Variants in IQSEC1 observed in about 807,000 individuals in gnomAD.
IQSEC1 encodes the protein IQ motif and Sec7 domain ArfGEF 1, also known as IQ motif and SEC7 domain-containing protein 1.
A neutral mutation model predicts 91.0 loss-of-function variants in IQSEC1; 31 were observed. The ratio of observed to expected loss-of-function variants is 0.34; its 90% confidence interval spans 0.26 to 0.46. The LOEUF (loss-of-function observed/expected upper bound fraction) is 0.46. Among genes scored for constraint, IQSEC1 ranks in the 20% least tolerant of loss-of-function variants. The probability of loss-of-function intolerance (pLI) is 1.00; values close to 1 mark genes in which losing one functional copy is unlikely to be tolerated. For synonymous variants in IQSEC1, 699 were observed against 662.6 expected, an observed-to-expected ratio of 1.05 and a Z score of -0.84; for missense variants, 1,388 against 1,575.6, an observed-to-expected ratio of 0.88 and a Z score of 2.02.
intron 2 of IQSEC1, among the ~76,000 whole-genome samples, chr3:13,138,066 C>T (rs1417999990): frequency 6.6e-6 from 1 of 152,132 alleles, no homozygotes; most frequent in African/African-American, 2.4e-5. Context: ...TGAGGGCACT[C>T]CTCCCTCTGA....
chr3:13,145,827 T>G (rs1576270852), intron 2 of IQSEC1, among the ~76,000 whole-genome samples: 7 of 121,756 alleles, frequency 5.7e-5, no homozygotes, highest in South Asian at 6.0e-4. Flanking sequence ...TCCTGATCAT[T>G]GGGAACAAGT....
chr3:13,220,658 A>G (rs1277846646), intron 1 of IQSEC1, among the ~76,000 whole-genome samples: 1 of 152,368 alleles, frequency 6.6e-6, no homozygotes, highest in African/African-American at 2.4e-5. Context: ...TGGTTTATGC[A>G]TGGTCTCAGG....
At chr3:13,045,587 G>A (rs957121267) in intron 1 of IQSEC1, among the ~76,000 whole-genome samples, 4 of 152,172 alleles carry the variant, frequency 2.6e-5, no homozygotes, top group Non-Finnish European at 4.4e-5. Context: ...AAGTGGGCAG[G>A]AGCACGGAAC....
chr3:12,951,121 T>C (rs866404108), intron 1 of IQSEC1, among the ~76,000 whole-genome samples: 10 of 152,180 alleles, frequency 6.6e-5, no homozygotes, highest in Middle Eastern at 3.4e-3. Context: ...TAAAAAACTT[T>C]TAAAAAGTTA....
chr3:13,038,258 GTGTGTATATATATATATATA>G (rs1394116482), intron 1 of IQSEC1, among the ~76,000 whole-genome samples: 1 of 51,388 alleles, frequency 1.9e-5, no homozygotes, highest in Non-Finnish European at 3.7e-5. Context: ...ATGTGTGTGT[GTGTGTATATATATATATATA>G]TATATATATA....
At position 12,912,890 on chromosome 3, in the gene IQSEC1, G is replaced by C. The variant is rs143776733; in HGVS notation, c.2316+538C>G. On this transcript the variant is annotated intron_variant, in intron 9 of 13. Coordinates refer to ENST00000613206, the MANE Select transcript of IQSEC1 (RefSeq NM_001134382.3). ...CAGCCCTTGTTTCCTTCAGTCCATA[G>C]GTCTTGCAGGGACCAGCTCAGGGCT... Among the ~76,000 whole-genome samples, 17 of 152,294 alleles carry C rather than the reference G, an allele frequency of 1.1e-4. No homozygotes were observed. In the East Asian group the frequency reaches 2.7e-3, roughly 24 times the overall value.
At chr3:12,962,117 C>T (rs553763687) in intron 1 of IQSEC1, among the ~76,000 whole-genome samples, 4 of 152,298 alleles carry the variant, frequency 2.6e-5, no homozygotes, top group Admixed American at 6.5e-5. Flanking sequence ...GGGAGGCAGA[C>T]GACCAACGGT....
intron 1 of IQSEC1, among the ~76,000 whole-genome samples, chr3:12,999,333 A>G (rs906841255): frequency 3.3e-5 from 5 of 152,180 alleles, no homozygotes; most frequent in Admixed American, 2.6e-4. Context: ...CCTTGGGCTC[A>G]TGGGAGCAGG....
At chr3:13,223,078 AG>A (rs1003840209) in intron 1 of IQSEC1, among the ~76,000 whole-genome samples, 24 of 152,338 alleles carry the variant, frequency 1.6e-4, no homozygotes, top group African/African-American at 5.5e-4. Context: ...AGGTTTGGGC[AG>A]GGTTGGGGGA....
At chr3:13,226,245 G>C (rs189429576) in intron 1 of IQSEC1, among the ~76,000 whole-genome samples, 11 of 152,302 alleles carry the variant, frequency 7.2e-5, no homozygotes, top group African/African-American at 2.4e-4. Flanking sequence ...TCTGAAACCA[G>C]TGTCTGCCTG....
At chr3:13,188,962 A>T (rs1693976705) in intron 1 of IQSEC1, among the ~76,000 whole-genome samples, 1 of 152,194 alleles carries the variant, frequency 6.6e-6, no homozygotes. Flanking sequence ...ACTCACTTCA[A>T]GCCTGGGACC....
At chr3:13,139,628 G>A (rs767937210) in intron 2 of IQSEC1, among the ~76,000 whole-genome samples, 2 of 152,148 alleles carry the variant, frequency 1.3e-5, no homozygotes, top group African/African-American at 2.4e-5. Context: ...CCTTTTATTC[G>A]TTTTATGAAA....
intron 2 of IQSEC1, among the ~76,000 whole-genome samples, chr3:12,939,772 A>G (rs1403656758): frequency 6.6e-6 from 1 of 152,134 alleles, no homozygotes; most frequent in Non-Finnish European, 1.5e-5. Flanking sequence ...CTTCCCAACC[A>G]GCCTTACCCA....
chr3:12,909,035 A>G lies in IQSEC1; in HGVS notation c.2578+238T>C, dbSNP rs897008052. Among the ~76,000 whole-genome samples, 2 of 152,314 alleles carry G rather than the reference A, an allele frequency of 1.3e-5. No individual in the cohort carries two copies. Among genetic ancestry groups the G allele is most frequent in the Non-Finnish European group, 2.9e-5 (2 of 68,024 alleles). ...TTGCGCACGGGATGACCAGAGAGCC[A>G]GGGTCTTTTGATGGACATACAACAG... On this transcript the variant is annotated intron_variant, in intron 11 of 13. Transcript: ENST00000613206. This position sits in a 1 kb window ranked among gnomAD's most constrained non-coding sequence, Gnocchi z 4.9.
At position 12,936,084 on chromosome 3, in the gene IQSEC1, G is replaced by A. The variant is rs561571211; in HGVS notation, c.932C>T (p.Pro311Leu). The A allele has an allele frequency of 8.0e-5, 129 of 1,609,488 alleles. 1 individual carries two copies. Among genetic ancestry groups the A allele is most frequent in the East Asian group, 3.3e-4 (15 of 44,870 alleles). The change falls in exon 3 of 14, where the codon CCG becomes CTG. Residue 311 changes from proline to leucine, a missense_variant. By Grantham distance (98) the Pro-to-Leu change is moderately conservative. Coordinates refer to ENST00000613206, the MANE Select transcript of IQSEC1 (RefSeq NM_001134382.3). ...PLPLSQAGDR[P>L]SSTESDLRLR... ...CCGCAGGTCCGACTCGGTGCTGGAC[G>A]GCCGGTCCCCTGCCTGCGAGAGGGG...
chr3:12,908,371 G>A lies in IQSEC1; in HGVS notation c.2733C>T (p.Ser911=), dbSNP rs1695212883. 6.2e-7 allele frequency: 1 copy of A among 1,612,058 alleles called. No individual in the cohort carries two copies. The highest frequency in any genetic ancestry group is 1.3e-5 in the African/African-American group (1 of 74,912). ...EGLKRSALSS[S]LRDLSEAGKR... ...TACCGGCTTCCGAGAGGTCCCGCAGGGAGCTGCTGAGGGCGCTGCGCTTGA... is the reference window on the plus strand; with the variant it reads ...TACCGGCTTCCGAGAGGTCCCGCAGAGAGCTGCTGAGGGCGCTGCGCTTGA... Residue 911 remains serine (S), a synonymous_variant, in exon 12 of 14, where the codon TCC becomes TCT. Transcript: ENST00000613206. The surrounding 1 kb of genome is among the most constrained non-coding windows in gnomAD (Gnocchi z 4.9).
At chr3:13,128,327 T>C (rs1469067854) in intron 2 of IQSEC1, among the ~76,000 whole-genome samples, 1 of 152,232 alleles carries the variant, frequency 6.6e-6, no homozygotes. Flanking sequence ...CTTTATAAAG[T>C]TGAGGAAGTT....
At chr3:12,914,852 C>T (rs1307108600) in intron 8 of IQSEC1, among the ~76,000 whole-genome samples, 1 of 152,006 alleles carries the variant, frequency 6.6e-6, no homozygotes, top group East Asian at 1.9e-4. Flanking sequence ...GTTTCAGGCG[C>T]AGGGTCTGGG....
Position 13,214,585 on chromosome 3 carries a change from A to G in IQSEC1, c.273-50452T>C, listed in dbSNP as rs1271195311. ...TGCCAGGTGGACGAACCAGGGCAGG[A>G]ATCCTAGCAGAAGCCTGTGAGGTGA... On this transcript the variant is annotated intron_variant, in intron 1 of 15. Transcript: ENST00000648114. The surrounding 1 kb of genome is among the most constrained non-coding windows in gnomAD (Gnocchi z 4.5). 6.6e-6 allele frequency among the ~76,000 whole-genome samples: 1 copy of G among 152,260 alleles called. No homozygotes were observed. Among genetic ancestry groups the G allele is most frequent in the Non-Finnish European group, 1.5e-5 (1 of 68,044 alleles).
Sources: allele counts gnomAD v4.1 joint callset (sites outside exome capture counted in the v4.1 genomes callset), GRCh38; gene constraint gnomAD v4.1.1; non-coding constraint Gnocchi (gnomAD v3.1); transcripts MANE v1.5; gene names NCBI Gene and HGNC (gene_info 2026-07-23, HGNC 2026-07-21).